Variants in ARSB observed in about 807,000 individuals in gnomAD.
ARSB encodes the protein N-acetylgalactosamine-4-sulfatase.
Under a neutral mutation model 50.9 loss-of-function variants are expected in ARSB, and 41 were observed. That is an observed-to-expected ratio of 0.81 (90% confidence interval 0.63 to 1.04). The LOEUF (loss-of-function observed/expected upper bound fraction) is 1.04. Ranked by LOEUF, ARSB falls within the 50% of genes least tolerant of loss-of-function variation. The pLI is 0.00. For missense variants in ARSB, 672 were observed against 693.3 expected, an observed-to-expected ratio of 0.97 and a Z score of 0.35; for synonymous variants, 269 against 284.8, an observed-to-expected ratio of 0.94 and a Z score of 0.56.
intron 4 of ARSB, among the ~76,000 whole-genome samples, chr5:78,902,056 C>T (rs1003761512): frequency 9.2e-5 from 14 of 152,198 alleles, no homozygotes; most frequent in African/African-American, 3.4e-4. Flanking sequence ...GTTCTGGAGG[C>T]TGGGAAGTCT....
chr5:78,944,484 T>C (rs1055419597), intron 4 of ARSB, among the ~76,000 whole-genome samples: 4 of 152,236 alleles, frequency 2.6e-5, no homozygotes, highest in East Asian at 3.8e-4. Flanking sequence ...GTTTGTTAGT[T>C]TTCCTTCTAA....
intron 1 of ARSB, among the ~76,000 whole-genome samples, chr5:78,984,129 T>C (rs73130143): frequency 0.042 from 6,335 of 152,238 alleles, 417 homozygotes; most frequent in African/African-American, 0.14. Flanking sequence ...GTGCGATTCT[T>C]ATGCCAACGA....
rs73120676 is a variant in ARSB at position 78,795,039 on chromosome 5, T to G, written c.1214-13065A>C. Among the ~76,000 whole-genome samples the G allele has an allele frequency of 3.8e-3, 585 of 152,334 alleles. 4 individuals are homozygous for G. Among genetic ancestry groups the G allele is most frequent in the African/African-American group, 0.013 (549 of 41,570 alleles). ...TCAGTAAGTGCCTCAGAGATTTTTTTGGGAGAATTAAATGAGATAGTACAT... is the reference window on the plus strand; with the variant it reads ...TCAGTAAGTGCCTCAGAGATTTTTTGGGGAGAATTAAATGAGATAGTACAT... On this transcript the variant is annotated intron_variant, in intron 6 of 7. Coordinates refer to ENST00000264914, the MANE Select transcript of ARSB (RefSeq NM_000046.5).
In ARSB at chr5:78,777,948, T is replaced by C. The variant is rs1273642695; in HGVS notation, c.*2449A>G. On this transcript the variant is annotated 3_prime_UTR_variant, in exon 8 of 8. Coordinates refer to ENST00000264914, the MANE Select transcript of ARSB (RefSeq NM_000046.5). The stretch of plus-strand genomic sequence containing the variant: ...TCTTATATAGAATCAGAGAATCTAA[T>C]GAAATACATTCTATTATGGATAAAC... 6.6e-6 allele frequency: 1 copy of C among 152,006 alleles called. No individual in the cohort carries two copies. Among genetic ancestry groups the C allele is most frequent in the Non-Finnish European group, 1.5e-5 (1 of 68,020 alleles). 9.4% of individuals were successfully genotyped at this position (152,006 alleles called of 1,614,324 possible).
chr5:78,791,725 T>G (rs1749240701), intron 6 of ARSB, among the ~76,000 whole-genome samples: 1 of 152,292 alleles, frequency 6.6e-6, no homozygotes, highest in Non-Finnish European at 1.5e-5. Flanking sequence ...TCTAGATTTT[T>G]GTTTTTAAAA....
Position 78,779,407 on chromosome 5 carries a change from G to A in ARSB, c.*990C>T, listed in dbSNP as rs886060793. On this transcript the variant is annotated 3_prime_UTR_variant, in exon 8 of 8. Coordinates refer to ENST00000264914, the MANE Select transcript of ARSB (RefSeq NM_000046.5). ...TCACTGCTAGTAAATAGCAGTGCAA[G>A]TCTTAATATATTATGAAATAAAGCT... The A allele has an allele frequency of 2.0e-5, 3 of 152,152 alleles. No individual in the cohort carries two copies. Among genetic ancestry groups the A allele is most frequent in the Non-Finnish European group, 4.4e-5 (3 of 68,044 alleles). The allele number at this position is 152,152 out of a possible 1,614,324, so 9.4% of individuals were successfully genotyped here.
In ARSB at chr5:78,851,753, T is replaced by G. The variant is rs974108508; in HGVS notation, c.1143-12327A>C. 3.3e-4 allele frequency among the ~76,000 whole-genome samples: 50 copies of G among 152,142 alleles called. 1 individual carries two copies. The highest frequency in any genetic ancestry group is 2.3e-3 in the South Asian group (11 of 4,826). ...ATGCATCTGGGTGCTCCTGTATTGG[T>G]TGCATATATATTTAGGATAGTTAGC... On this transcript the variant is annotated intron_variant, in intron 5 of 7. Coordinates refer to ENST00000264914, the MANE Select transcript of ARSB (RefSeq NM_000046.5).
At chr5:78,953,790 G>GA (rs1751584742) in intron 4 of ARSB, among the ~76,000 whole-genome samples, 1 of 151,416 alleles carries the variant, frequency 6.6e-6, no homozygotes, top group South Asian at 2.1e-4. Context: ...TAAACAAACT[G>GA]AAAAAAAGAA....
At chr5:78,780,926 GT>G (rs1748907308) in intron 7 of ARSB, among the ~76,000 whole-genome samples, 1 of 152,194 alleles carries the variant, frequency 6.6e-6, no homozygotes, top group African/African-American at 2.4e-5. Flanking sequence ...GGGCATAGGG[GT>G]GCTCCTGGCA....
At chr5:78,962,940 C>A (rs903415862) in intron 3 of ARSB, among the ~76,000 whole-genome samples, 2 of 152,144 alleles carry the variant, frequency 1.3e-5, no homozygotes, top group Non-Finnish European at 2.9e-5. Context: ...CAGCCACATA[C>A]CAAGTCCAAA....
chr5:78,895,138 T>G (rs1364310101), intron 4 of ARSB, among the ~76,000 whole-genome samples: 1 of 152,216 alleles, frequency 6.6e-6, no homozygotes, highest in East Asian at 1.9e-4. Context: ...TCAGGACCTA[T>G]TCAGTCTCAG....
chr5:78,789,393 G>C (rs1017294133), intron 6 of ARSB, among the ~76,000 whole-genome samples: 1 of 152,210 alleles, frequency 6.6e-6, no homozygotes, highest in Non-Finnish European at 1.5e-5. Flanking sequence ...TGCTCAGAGA[G>C]AAGAGCATGG....
intron 4 of ARSB, among the ~76,000 whole-genome samples, chr5:78,929,386 G>A (rs1412034547): frequency 2.0e-5 from 3 of 152,098 alleles, no homozygotes; most frequent in Admixed American, 2.0e-4. Context: ...CACGGGAAAG[G>A]AAATCTCCAC....
At chr5:78,878,483 A>G (rs1747590375) in intron 5 of ARSB, among the ~76,000 whole-genome samples, 1 of 152,174 alleles carries the variant, frequency 6.6e-6, no homozygotes, top group South Asian at 2.1e-4. Context: ...TAGTGCCATA[A>G]GTCAGTGAAA....
chr5:78,785,320 A>G (rs576612005), intron 6 of ARSB, among the ~76,000 whole-genome samples: 4 of 152,214 alleles, frequency 2.6e-5, no homozygotes, highest in Non-Finnish European at 5.9e-5. Flanking sequence ...AATGTAAAAA[A>G]CATGTAGTCT....
intron 6 of ARSB, among the ~76,000 whole-genome samples, chr5:78,834,194 A>C (rs1288995939): frequency 6.6e-6 from 1 of 152,168 alleles, no homozygotes; most frequent in African/African-American, 2.4e-5. Flanking sequence ...ATTCTCATGC[A>C]GTTTCTCTTC....
intron 6 of ARSB, among the ~76,000 whole-genome samples, chr5:78,802,835 C>T (rs765852141): frequency 2.6e-5 from 4 of 152,112 alleles, no homozygotes; most frequent in Non-Finnish European, 5.9e-5. Context: ...TAGAATTGTT[C>T]TGTTTGCATT....
chr5:78,817,555 T>C (rs7702582), intron 6 of ARSB, among the ~76,000 whole-genome samples: 26,065 of 152,082 alleles, frequency 0.17, 2,640 homozygotes, highest in African/African-American at 0.27. Context: ...ACACCTGTAC[T>C]CCCAGCACTT....
chr5:78,807,309 T>C (rs1580987829), intron 6 of ARSB, among the ~76,000 whole-genome samples: 1 of 152,232 alleles, frequency 6.6e-6, no homozygotes. Flanking sequence ...CTCTATCAGA[T>C]AGCACATCTT....
Sources: allele counts gnomAD v4.1 joint callset (sites outside exome capture counted in the v4.1 genomes callset), GRCh38; gene constraint gnomAD v4.1.1; transcripts MANE v1.5; gene names NCBI Gene and HGNC (gene_info 2026-07-23, HGNC 2026-07-21).